Variants in EYA1 observed in about 807,000 individuals in gnomAD.
The protein encoded by EYA1 is protein phosphatase EYA1.
Under a neutral mutation model 82.0 loss-of-function variants are expected in EYA1, and 16 were observed. The observed-to-expected ratio is 0.20, with a 90% CI of 0.13 to 0.30. The LOEUF (loss-of-function observed/expected upper bound fraction) is 0.30. Among genes scored for constraint, EYA1 ranks in the 10% least tolerant of loss-of-function variants. The pLI is 1.00. For synonymous variants in EYA1, 261 were observed against 264.4 expected, an observed-to-expected ratio of 0.99 and a Z score of 0.12; for missense variants, 633 against 730.7, an observed-to-expected ratio of 0.87 and a Z score of 1.54.
intron 11 of EYA1, among the ~76,000 whole-genome samples, chr8:71,250,700 T>C (rs1223241774): frequency 6.6e-6 from 1 of 152,244 alleles, no homozygotes; most frequent in Non-Finnish European, 1.5e-5. Context: ...CTTTACAGCC[T>C]TTAAACAACA....
chr8:71,211,598 C>T (rs903364144), intron 16 of EYA1, among the ~76,000 whole-genome samples: 3 of 152,090 alleles, frequency 2.0e-5, no homozygotes, highest in Non-Finnish European at 4.4e-5. Context: ...TCTTTTTCCC[C>T]CTATATATAA....
upstream of EYA1, among the ~76,000 whole-genome samples, chr8:71,365,559 C>T (rs547117222): frequency 6.6e-6 from 1 of 152,154 alleles, no homozygotes; most frequent in Non-Finnish European, 1.5e-5. Context: ...GTAATTTAAA[C>T]TGTTCAAAGT....
Position 71,409,167 on chromosome 8 carries a change from G to A in EYA1, c.34-52656C>T, listed in dbSNP as rs1437271069. Among the ~76,000 whole-genome samples the A allele has an allele frequency of 2.3e-4, 16 of 69,368 alleles. 3 individuals carry two copies. The highest frequency in any genetic ancestry group is 4.4e-4 in the East Asian group (2 of 4,496). 45.5% of individuals were successfully genotyped at this position (69,368 alleles called of 152,430 possible). A position where few individuals can be genotyped will look rare whatever the true frequency, so the allele number is the denominator to read the frequency against. ...GAAGGCAGAAATAAAGATGTTCTTCGAAACCAATGAGAACAAAGACACAAC... is the reference window on the plus strand; with the variant it reads ...GAAGGCAGAAATAAAGATGTTCTTCAAAACCAATGAGAACAAAGACACAAC... On this transcript the variant is annotated intron_variant, in intron 2 of 18. Transcript: ENST00000643681.
chr8:71,427,166 G>A (rs538211836), intron 2 of EYA1, among the ~76,000 whole-genome samples: 13 of 152,246 alleles, frequency 8.5e-5, no homozygotes, highest in African/African-American at 2.4e-4. Flanking sequence ...TTGAAACATC[G>A]CAATTTTTCA....
chr8:71,233,996 GAA>G (rs1305027522), intron 12 of EYA1, among the ~76,000 whole-genome samples: 3 of 152,156 alleles, frequency 2.0e-5, no homozygotes, highest in African/African-American at 7.2e-5. Flanking sequence ...GAGGTATGCA[GAA>G]AATCTTAATA....
chr8:71,412,426 T>TAA (rs71264554), intron 2 of EYA1, among the ~76,000 whole-genome samples: 1 of 107,500 alleles, frequency 9.3e-6, no homozygotes, highest in African/African-American at 4.1e-5. Context: ...TAAAATAAAA[T>TAA]AAAAAAAAGA....
chr8:71,409,803 G>A (rs1406852868), intron 2 of EYA1, among the ~76,000 whole-genome samples: 1 of 130,806 alleles, frequency 7.6e-6, no homozygotes, highest in Admixed American at 7.6e-5. Context: ...GTACAAGGAG[G>A]AACTGGTACC....
At chr8:71,420,530 T>C (rs1004118783) in intron 2 of EYA1, among the ~76,000 whole-genome samples, 3 of 152,222 alleles carry the variant, frequency 2.0e-5, no homozygotes, top group Non-Finnish European at 4.4e-5. Flanking sequence ...TTTTATCTAT[T>C]ACTAAAATGA....
chr8:71,216,758 T>C lies in EYA1; in HGVS notation c.1294A>G (p.Arg432Gly), dbSNP rs1267032760. Residue 432 changes from arginine to glycine, a missense_variant, in exon 14 of 18, where the codon AGA becomes GGA. Arg to Gly is a moderately radical substitution (Grantham distance 125, BLOSUM62 -2). Coordinates refer to ENST00000340726, the MANE Select transcript of EYA1 (RefSeq NM_000503.6). ...CGTCTGTAGCGGAAGGCCAACTTTCTCATCCAGTCCACACCGCCCCGTACA... is the reference window on the plus strand; with the variant it reads ...CGTCTGTAGCGGAAGGCCAACTTTCCCATCCAGTCCACACCGCCCCGTACA... Reference protein sequence around the residue: ...TGVRGGVDWMRKLAFRYRRVK... With the variant: ...TGVRGGVDWMGKLAFRYRRVK... 2 of 1,614,052 alleles carry C rather than the reference T, an allele frequency of 1.2e-6. No individual in the cohort carries two copies. Among genetic ancestry groups the C allele is most frequent in the Non-Finnish European group, 1.7e-6 (2 of 1,180,024 alleles).
At chr8:71,497,722 T>C (rs1182456700) in intron 2 of EYA1, among the ~76,000 whole-genome samples, 3 of 152,176 alleles carry the variant, frequency 2.0e-5, no homozygotes, top group Non-Finnish European at 4.4e-5. Context: ...ACCAGGTATT[T>C]ACCCAAAGAA....
chr8:71,452,870 C>A (rs568392212), intron 2 of EYA1, among the ~76,000 whole-genome samples: 27 of 152,324 alleles, frequency 1.8e-4, no homozygotes, highest in African/African-American at 6.3e-4. Context: ...GCCTCTCCCC[C>A]TCCAAAGGAA....
At chr8:71,453,746 G>T (rs185023938) in intron 2 of EYA1, among the ~76,000 whole-genome samples, 623 of 152,250 alleles carry the variant, frequency 4.1e-3, no homozygotes, top group Non-Finnish European at 5.2e-3. Context: ...CACCAGACCT[G>T]CCCTACAAGC....
rs1813034688 is a variant in EYA1, at chr8:71,245,907, C to CT, written c.1051-1216dup. 4.6e-5 allele frequency among the ~76,000 whole-genome samples: 7 copies of CT among 152,286 alleles called. No individual in the cohort carries two copies. In the East Asian group the frequency reaches 1.4e-3, roughly 29 times the overall value. ...TTCCACAGTGCACCGTGGTTTCTAT[C>CT]TAAAAATTCAAGTGTTGGACATTAG... On this transcript the variant is annotated intron_variant, in intron 11 of 17. Coordinates refer to ENST00000340726, the MANE Select transcript of EYA1 (RefSeq NM_000503.6).
chr8:71,227,837 T>C (rs1401056304), intron 12 of EYA1, among the ~76,000 whole-genome samples: 2 of 152,210 alleles, frequency 1.3e-5, no homozygotes, highest in Non-Finnish European at 1.5e-5. Flanking sequence ...TTTTTAAATG[T>C]CTTTTTCTTT....
intron 4 of EYA1, among the ~76,000 whole-genome samples, chr8:71,324,773 G>A (rs951649326): frequency 1.3e-5 from 2 of 152,110 alleles, no homozygotes; most frequent in African/African-American, 4.8e-5. Context: ...CAGCCATCTT[G>A]TTTTCCCCTC....
At chr8:71,290,719 C>G (rs1012840581) in intron 9 of EYA1, among the ~76,000 whole-genome samples, 2 of 152,018 alleles carry the variant, frequency 1.3e-5, no homozygotes, top group East Asian at 3.9e-4. Context: ...ATTTTCATAA[C>G]GTTTCTCACA....
chr8:71,315,482 G>A (rs1002204820), intron 7 of EYA1, among the ~76,000 whole-genome samples: 22 of 152,114 alleles, frequency 1.4e-4, no homozygotes, highest in African/African-American at 4.8e-4. Context: ...TGGATACCAC[G>A]GGCACCCTGC....
At chr8:71,300,452 T>C (rs548499356) in intron 7 of EYA1, among the ~76,000 whole-genome samples, 45 of 152,246 alleles carry the variant, frequency 3.0e-4, no homozygotes, top group African/African-American at 9.9e-4. Context: ...GATAATCATA[T>C]TGGCGAAAAT....
At chr8:71,455,176 T>C (rs1269776532) in intron 2 of EYA1, among the ~76,000 whole-genome samples, 2 of 152,094 alleles carry the variant, frequency 1.3e-5, no homozygotes, top group Non-Finnish European at 2.9e-5. Flanking sequence ...ATAAATTCCT[T>C]GACACATACA....
Sources: gnomAD v4.1 joint callset for allele counts (sites outside exome capture counted in the v4.1 genomes callset) on GRCh38, gnomAD v4.1.1 for gene constraint, MANE v1.5 for transcripts, NCBI Gene and HGNC (gene_info 2026-07-23, HGNC 2026-07-21) for gene names.